TMPRSS9: variants seen among roughly 807,000 people sequenced by gnomAD.
TMPRSS9 encodes the protein transmembrane serine protease 9.
In TMPRSS9, 113 loss-of-function variants were observed where a neutral mutation model predicts 111.4. That is an observed-to-expected ratio of 1.01 (90% CI 0.87 to 1.19). The LOEUF is 1.19. TMPRSS9 is among the 50% of genes most tolerant of loss of function. The pLI, the probability that TMPRSS9 is intolerant of heterozygous loss-of-function variation, is 0.00. For missense variants in TMPRSS9, 1,803 were observed against 1,513.1 expected (o/e 1.19, Z -3.18); for synonymous variants, 805 against 659.1 (o/e 1.22, Z -3.39).
chr19:2,410,230 C>A (rs763282433), intron 8 of TMPRSS9, 28 bp from the exon 10 acceptor site: 33 of 1,612,136 alleles, frequency 2.0e-5, no homozygotes, highest in Non-Finnish European at 2.6e-5. Context: ...GGCACTCTCA[C>A]CCTGCTTTTC....
upstream of TMPRSS9, among the ~76,000 whole-genome samples, chr19:2,384,942 A>G (rs1417461038): frequency 6.7e-6 from 1 of 148,418 alleles, no homozygotes; most frequent in Non-Finnish European, 1.5e-5. Context: ...AGATCATGCC[A>G]CTGCACTCCA....
intron 1 of TMPRSS9, among the ~76,000 whole-genome samples, chr19:2,375,718 C>T (rs1293213787): frequency 6.6e-6 from 1 of 152,126 alleles, no homozygotes; most frequent in Non-Finnish European, 1.5e-5. Flanking sequence ...TGGCTAGCAC[C>T]ATGATCGACC....
chr19:2,408,666 C>A, intron 8 of TMPRSS9, 36 bp downstream of exon 9: 1 of 1,588,226 alleles, frequency 6.3e-7, no homozygotes, highest in South Asian at 1.1e-5. Context: ...TGAGCTCAGG[C>A]AGGCAGGCGG....
chr19:2,422,202 C>G (rs1189192782), exon 14 of TMPRSS9: 1 of 1,529,928 alleles, frequency 6.5e-7, no homozygotes, highest in Non-Finnish European at 8.8e-7. Flanking sequence ...GGGACAGACG[C>G]CATTTCCAGA....
chr19:2,369,025 C>T lies in TMPRSS9; in HGVS notation c.-26+8665C>T, dbSNP rs559103708. On this transcript the variant is annotated intron_variant, in intron 1 of 17. Transcript: ENST00000649857. ...GTAGTGCAAAGGTGTGATCTCGGCT[C>T]ACTGTAACCTCCACCTCCCGGGTTC... Among the ~76,000 whole-genome samples the T allele has an allele frequency of 2.2e-3, 317 of 146,904 alleles. 1 individual carries two copies. The highest frequency in any genetic ancestry group is 7.7e-3 in the African/African-American group (306 of 39,744).
At chr19:2,416,747 A>G in exon 12 of TMPRSS9, 1 of 1,613,058 alleles carries the variant, frequency 6.2e-7, no homozygotes. Context: ...CTGGCCATCC[A>G]GAAGTTCCCT....
At chr19:2,412,411 A>T (rs1266208155) in intron 9 of TMPRSS9, among the ~76,000 whole-genome samples, 1 of 152,156 alleles carries the variant, frequency 6.6e-6, no homozygotes, top group Non-Finnish European at 1.5e-5. Flanking sequence ...CTCAAACAAA[A>T]TTGAAAATTT....
intron 15 of TMPRSS9, among the ~76,000 whole-genome samples, chr19:2,424,702 G>A (rs1290144507): frequency 6.6e-6 from 1 of 152,178 alleles, no homozygotes; most frequent in Non-Finnish European, 1.5e-5. Flanking sequence ...TTCCAGAGGG[G>A]ACACCCAGCT....
intron 1 of TMPRSS9, among the ~76,000 whole-genome samples, chr19:2,391,738 G>GACT (rs779852291): frequency 1.0e-5 from 1 of 95,998 alleles, no homozygotes; most frequent in Non-Finnish European, 2.3e-5. Context: ...AGGAAAGGAA[G>GACT]TCTTTTTTTT....
chr19:2,414,166 C>T (rs1038264493), intron 10 of TMPRSS9, 148 bp downstream of exon 11: 5 of 799,432 alleles, frequency 6.3e-6, no homozygotes, highest in Admixed American at 3.0e-5. Flanking sequence ...TCTTACGTTG[C>T]GTGTACCCTC....
exon 1 of TMPRSS9, among the ~76,000 whole-genome samples, chr19:2,360,285 G>C (rs1035326997): frequency 1.3e-5 from 2 of 152,146 alleles, no homozygotes; most frequent in Non-Finnish European, 2.9e-5. Context: ...CAGCCTCGTC[G>C]TCCGGAGCGC....
At chr19:2,425,131 C>G (rs1568195058) in exon 16 of TMPRSS9, 1 of 1,581,572 alleles carries the variant, frequency 6.3e-7, no homozygotes. Flanking sequence ...TCGACTACGA[C>G]GTGGCGCTGC....
chr19:2,412,614 C>T (rs2145365536), intron 9 of TMPRSS9, among the ~76,000 whole-genome samples: 1 of 152,256 alleles, frequency 6.6e-6, no homozygotes, highest in East Asian at 1.9e-4. Flanking sequence ...CTTGAGAAAG[C>T]TTTCTCTTGT....
chr19:2,371,687 C>G (rs1407806100), intron 1 of TMPRSS9, among the ~76,000 whole-genome samples: 3 of 151,012 alleles, frequency 2.0e-5, no homozygotes, highest in Admixed American at 6.6e-5. Context: ...CAGAGCAAGA[C>G]TCCGTCTCAA....
chr19:2,363,098 C>T (rs932792483), intron 1 of TMPRSS9, among the ~76,000 whole-genome samples: 3 of 152,180 alleles, frequency 2.0e-5, no homozygotes, highest in Non-Finnish European at 2.9e-5. Context: ...TCCTGCCACG[C>T]GGAATGGGAG....
intron 1 of TMPRSS9, among the ~76,000 whole-genome samples, chr19:2,379,485 A>G (rs1384096173): frequency 6.6e-6 from 1 of 151,454 alleles, no homozygotes; most frequent in African/African-American, 2.4e-5. Flanking sequence ...GTGCCCAGCA[A>G]GCCTGAGCTT....
At position 2,418,146 on chromosome 19, in the gene TMPRSS9, T is replaced by A. The variant is rs1340013607; in HGVS notation, c.2154+8T>A. On this transcript the variant is annotated splice_region_variant and intron_variant, in intron 13 of 17. Coordinates refer to ENST00000648592, the Ensembl canonical transcript of TMPRSS9. ...AAAGTCGACTCCTGCCAGGTAAGCA[T>A]TCAAAGGGGGAAAGCGGGCAATATT... 1 of 1,608,282 alleles carries A rather than the reference T, an allele frequency of 6.2e-7. No individual in the cohort carries two copies. The highest frequency in any genetic ancestry group is 1.3e-5 in the African/African-American group (1 of 74,460).
At chr19:2,377,469 C>G (rs1376510064) in intron 1 of TMPRSS9, among the ~76,000 whole-genome samples, 2 of 77,030 alleles carry the variant, frequency 2.6e-5, no homozygotes, top group African/African-American at 1.5e-4. Flanking sequence ...CCTCTCCCCT[C>G]TCCCCTCTCC....
chr19:2,410,382 G>A, exon 9 of TMPRSS9: 3 of 1,613,904 alleles, frequency 1.9e-6, no homozygotes, highest in Non-Finnish European at 2.5e-6. Context: ...ACGGGAAGGT[G>A]GACTCCTGCC....
Sources: gnomAD v4.1 joint callset for allele counts (sites outside exome capture counted in the v4.1 genomes callset) on GRCh38, gnomAD v4.1.1 for gene constraint, MANE v1.5 for transcripts, NCBI Gene and HGNC (gene_info 2026-07-23, HGNC 2026-07-21) for gene names.